The following C1orf74 variants were observed in gnomAD, a reference collection of about 807,000 sequenced individuals.
The protein encoded by C1orf74 is UPF0739 protein C1orf74.
Under a neutral mutation model 7.3 loss-of-function variants are expected in C1orf74, and 5 were observed. The observed-to-expected ratio is 0.68, with a 90% confidence interval of 0.36 to 1.44. The LOEUF (loss-of-function observed/expected upper bound fraction) is 1.44, where lower values mean the gene tolerates loss of function less well. Among genes scored for constraint, C1orf74 ranks in the 40% most tolerant of loss-of-function variants. The pLI is 0.04. For missense variants in C1orf74, 291 were observed against 314.3 expected, an observed-to-expected ratio of 0.93 and a Z score of 0.56; for synonymous variants, 121 against 132.5, an observed-to-expected ratio of 0.91 and a Z score of 0.59.
At position 209,783,004 on chromosome 1, in the gene C1orf74, G is replaced by T; in HGVS notation, c.631C>A (p.Leu211Ile). 1 of 1,614,202 alleles carries T rather than the reference G, an allele frequency of 6.2e-7. No individual in the cohort carries two copies. Among genetic ancestry groups the T allele is most frequent in the Non-Finnish European group, 8.5e-7 (1 of 1,180,046 alleles). ...RVFTARISWL[L>I]GQPPILLYSF... is the part of the protein sequence containing the mutation. ...TAGAGCAGGATTGGGGGTTGACCTA[G>T]CAACCATGAGATCCGGGCAGTGAAT... Residue 211 changes from leucine to isoleucine, a missense_variant, in exon 2 of 2, where the codon CTA becomes ATA. Physicochemically the swap from Leu to Ile is conservative, Grantham distance 5 (BLOSUM62 2). Coordinates refer to ENST00000294811, the MANE Select transcript of C1orf74 (RefSeq NM_152485.4).
chr1:209,780,781 C>CTTAT lies in C1orf74; in HGVS notation c.*2040_*2043dup. The CTTAT allele has an allele frequency of 4.3e-6, 2 of 462,722 alleles. No homozygotes were observed. Among genetic ancestry groups the CTTAT allele is most frequent in the Non-Finnish European group, 7.0e-6 (2 of 286,820 alleles). 28.7% of individuals were successfully genotyped at this position (462,722 alleles called of 1,614,324 possible). On this transcript the variant is annotated 3_prime_UTR_variant, in exon 2 of 2. Transcript: ENST00000294811. ...GCTGACTTGTCAATCTTTTCCCTTC[C>CTTAT]TTATTTATACCAACTCCTATTCAAG...
Position 209,781,331 on chromosome 1 carries a change from G to T in C1orf74, c.*1494C>A, listed in dbSNP as rs2077774385. 1 of 1,579,792 alleles carries T rather than the reference G, an allele frequency of 6.3e-7. No individual in the cohort carries two copies. On this transcript the variant is annotated 3_prime_UTR_variant, in exon 2 of 2. Coordinates refer to ENST00000294811, the MANE Select transcript of C1orf74 (RefSeq NM_152485.4). ...CAGAAGTGACAGTGATGACTTTGGT[G>T]ATGTTCTCCCCAGTGCAGAGAACTG...
At position 209,781,924 on chromosome 1, in the gene C1orf74, A is replaced by G; in HGVS notation, c.*901T>C. On this transcript the variant is annotated 3_prime_UTR_variant, in exon 2 of 2. Transcript: ENST00000294811. ...AGACAGGTGACAAAATGGGAGACAG[A>G]GTAAAAAGCTTTTTCTCCACCACCA... 1.5e-6 allele frequency: 1 copy of G among 668,682 alleles called. No individual in the cohort carries two copies. The highest frequency in any genetic ancestry group is 2.6e-6 in the Non-Finnish European group (1 of 382,918). 41.4% of individuals were successfully genotyped at this position (668,682 alleles called of 1,614,324 possible). A position where few individuals can be genotyped will look rare whatever the true frequency, so the allele number is the denominator to read the frequency against.
rs1385910683 is a variant in C1orf74 at position 209,781,594 on chromosome 1, C to T, written c.*1231G>A. 1 of 587,896 alleles carries T rather than the reference C, an allele frequency of 1.7e-6. No individual in the cohort carries two copies. Among genetic ancestry groups the T allele is most frequent in the Non-Finnish European group, 3.0e-6 (1 of 329,466 alleles). 36.4% of individuals were successfully genotyped at this position (587,896 alleles called of 1,614,324 possible). A position where few individuals can be genotyped will look rare whatever the true frequency, so the allele number is the denominator to read the frequency against. ...CCCACTGTGCTTGGTTTATACTATA[C>T]TGACATTATGGCAACCATTGAAAAA... On this transcript the variant is annotated 3_prime_UTR_variant, in exon 2 of 2. Transcript: ENST00000294811.
rs2077785446 is a variant in C1orf74, at chr1:209,781,743, CAGA to C, written c.*1079_*1081del. 7 of 483,934 alleles carry C rather than the reference CAGA, an allele frequency of 1.4e-5. No individual in the cohort carries two copies. In the East Asian group the frequency reaches 1.5e-4, roughly 10 times the overall value. 30.0% of individuals were successfully genotyped at this position (483,934 alleles called of 1,614,324 possible). A position where few individuals can be genotyped will look rare whatever the true frequency, so the allele number is the denominator to read the frequency against. ...CCGATGATAAGCATGGTGGCAAGAACAGAAGGACACAAAAGTACTGGGGAATAC... is the reference window on the plus strand; with the variant it reads ...CCGATGATAAGCATGGTGGCAAGAACAGGACACAAAAGTACTGGGGAATAC... On this transcript the variant is annotated 3_prime_UTR_variant, in exon 2 of 2. Transcript: ENST00000294811.
In C1orf74 at chr1:209,783,121, C is replaced by G; in HGVS notation, c.514G>C (p.Val172Leu). ...GGATAGCCCAGGAGGATCCCAAATACAGTACACAGATTCCAGTCTGAGGAA... is the reference window on the plus strand; with the variant it reads ...GGATAGCCCAGGAGGATCCCAAATAGAGTACACAGATTCCAGTCTGAGGAA... ...LHSSDWNLCT[V>L]FGILLGYPVP... Residue 172 changes from valine to leucine, a missense_variant, in exon 2 of 2, where the codon GTA becomes CTA. Transcript: ENST00000294811. 4 of 1,614,168 alleles carry G rather than the reference C, an allele frequency of 2.5e-6. No homozygotes were observed. Among genetic ancestry groups the G allele is most frequent in the Non-Finnish European group, 3.4e-6 (4 of 1,180,026 alleles).
chr1:209,783,853 T>C, intron 1 of C1orf74, 144 bp from the exon 2 acceptor site: 1 of 491,890 alleles, frequency 2.0e-6, no homozygotes, highest in Middle Eastern at 5.4e-4. Flanking sequence ...TTGATTTTTC[T>C]GGTTGACTTG....
At position 209,779,756 on chromosome 1, in the gene C1orf74, G is replaced by A; in HGVS notation, c.*3069C>T. 1 of 532,618 alleles carries A rather than the reference G, an allele frequency of 1.9e-6. No homozygotes were observed. Among genetic ancestry groups the A allele is most frequent in the Non-Finnish European group, 3.3e-6 (1 of 300,068 alleles). The allele number at this position is 532,618 out of a possible 1,614,324, so 33.0% of individuals were successfully genotyped here. On this transcript the variant is annotated 3_prime_UTR_variant, in exon 2 of 2. Transcript: ENST00000294811. ...CAGAGTCAACTCACTGTTAGCCCTA[G>A]AGAGTCTACTGTCCATGTTTCCTGA...
Position 209,780,990 on chromosome 1 carries a change from A to C in C1orf74, c.*1835T>G. 5.2e-6 allele frequency: 1 copy of C among 192,000 alleles called. No homozygotes were observed. The allele number at this position is 192,000 out of a possible 1,614,324, so 11.9% of individuals were successfully genotyped here. On this transcript the variant is annotated 3_prime_UTR_variant, in exon 2 of 2. Coordinates refer to ENST00000294811, the MANE Select transcript of C1orf74 (RefSeq NM_152485.4). Reference sequence around the variant, plus strand: ...CACATCCCCAGAAGTATTGATATGCAACTAGCTCCTGGGAAAGAAACTTGT... The same window carrying C: ...CACATCCCCAGAAGTATTGATATGCCACTAGCTCCTGGGAAAGAAACTTGT...
Position 209,779,288 on chromosome 1 carries a change from A to AT in C1orf74, c.*3536_*3537insA. ...CTTTTTGTAGTAAATATGCTAGCAT[A>AT]GACAAGTTCCTTGTGTTTTCCAACA... On this transcript the variant is annotated 3_prime_UTR_variant, in exon 2 of 2. Transcript: ENST00000294811. 3 of 1,609,524 alleles carry AT rather than the reference A, an allele frequency of 1.9e-6. No homozygotes were observed. The highest frequency in any genetic ancestry group is 2.6e-6 in the Non-Finnish European group (3 of 1,176,098).
At chr1:209,784,165 G>A (rs1488817412) in intron 1 of C1orf74, among the ~76,000 whole-genome samples, 1 of 152,116 alleles carries the variant, frequency 6.6e-6, no homozygotes, top group Non-Finnish European at 1.5e-5. Flanking sequence ...CCAGAATGTG[G>A]ACTAACAACC....
At chr1:209,783,772 A>G (rs962282341) in intron 1 of C1orf74, 63 bp from the exon 2 acceptor site, 16 of 718,842 alleles carry the variant, frequency 2.2e-5, no homozygotes, top group Non-Finnish European at 3.5e-5. Context: ...GGTATCTTCC[A>G]AAGGTTATTC....
In C1orf74 at chr1:209,784,529, G is replaced by A. The variant is rs977486727; in HGVS notation, c.-227C>T. On this transcript the variant is annotated 5_prime_UTR_variant, in exon 1 of 2. It introduces an in-frame stop codon into an upstream open reading frame of the 5' UTR. Transcript: ENST00000294811. The stretch of plus-strand genomic sequence containing the variant: ...TGGGAAGACCCTCGCAGCCCGCTCT[G>A]CTCCAGTCCCGCAGGCACCTTCTTG... The A allele has an allele frequency of 3.3e-5, 5 of 152,396 alleles. No individual in the cohort carries two copies. The highest frequency in any genetic ancestry group is 1.2e-4 in the African/African-American group (5 of 41,592). 9.4% of individuals were successfully genotyped at this position (152,396 alleles called of 1,614,324 possible). A position where few individuals can be genotyped will look rare whatever the true frequency, so the allele number is the denominator to read the frequency against.
At position 209,783,377 on chromosome 1, in the gene C1orf74, A is replaced by G; in HGVS notation, c.258T>C (p.Leu86=). 1 of 1,613,844 alleles carries G rather than the reference A, an allele frequency of 6.2e-7. No individual in the cohort carries two copies. The highest frequency in any genetic ancestry group is 8.5e-7 in the Non-Finnish European group (1 of 1,179,770). ...LGFLTFGLHI[L]EIGENSLIVS... ...CAATCAGGCTGTTTTCTCCAATCTC[A>G]AGGATGTGAAGTCCAAAAGTCAGGA... Residue 86 remains leucine (L), a synonymous_variant, in exon 2 of 2, where the codon CTT becomes CTC. Coordinates refer to ENST00000294811, the MANE Select transcript of C1orf74 (RefSeq NM_152485.4).
In C1orf74 at chr1:209,780,690, A is replaced by C; in HGVS notation, c.*2135T>G. 1 of 1,328,744 alleles carries C rather than the reference A, an allele frequency of 7.5e-7. No homozygotes were observed. The highest frequency in any genetic ancestry group is 9.9e-7 in the Non-Finnish European group (1 of 1,006,574). 82.3% of individuals were successfully genotyped at this position (1,328,744 alleles called of 1,614,324 possible). A position where few individuals can be genotyped will look rare whatever the true frequency, so the allele number is the denominator to read the frequency against. On this transcript the variant is annotated 3_prime_UTR_variant, in exon 2 of 2. Transcript: ENST00000294811. ...AGGCAGTCAAAAAGCAGGGATTTCA[A>C]AGTTTAAGTTGTGAGTGGATAACCA...
chr1:209,780,307 C>T lies in C1orf74; in HGVS notation c.*2518G>A. ...GCTGTCTGTCCAAGCTTAGCAGGGG[C>T]CTACTGGAAGTTAACCTTTATGTCA... On this transcript the variant is annotated 3_prime_UTR_variant, in exon 2 of 2. Transcript: ENST00000294811. The T allele has an allele frequency of 1.9e-6, 1 of 529,184 alleles. No individual in the cohort carries two copies. The highest frequency in any genetic ancestry group is 3.1e-6 in the Non-Finnish European group (1 of 323,516). The allele number at this position is 529,184 out of a possible 1,614,324, so 32.8% of individuals were successfully genotyped here.
In C1orf74 at chr1:209,779,383, A is replaced by G; in HGVS notation, c.*3442T>C. On this transcript the variant is annotated 3_prime_UTR_variant, in exon 2 of 2. Transcript: ENST00000294811. ...ACTCTTAACAAAGAAAGGTCAGCAA[A>G]TTTATTACCACAAATTCTAAGATAT... is the stretch of plus-strand genomic sequence containing the variant. 2 of 1,611,304 alleles carry G rather than the reference A, an allele frequency of 1.2e-6. No homozygotes were observed. Among genetic ancestry groups the G allele is most frequent in the Non-Finnish European group, 1.7e-6 (2 of 1,177,378 alleles).
Position 209,780,651 on chromosome 1 carries a change from C to G in C1orf74, c.*2174G>C, listed in dbSNP as rs1303659148. 2 of 1,462,194 alleles carry G rather than the reference C, an allele frequency of 1.4e-6. No individual in the cohort carries two copies. Among genetic ancestry groups the G allele is most frequent in the East Asian group, 2.5e-5 (1 of 39,324 alleles). The allele number at this position is 1,462,194 out of a possible 1,614,324, so 90.6% of individuals were successfully genotyped here. Reference sequence around the variant, plus strand: ...TAGTGAGGGCTCATTTGCGAAATAGCAGAGAAACCTGGGAGGCAGTCAAAA... The same window carrying G: ...TAGTGAGGGCTCATTTGCGAAATAGGAGAGAAACCTGGGAGGCAGTCAAAA... On this transcript the variant is annotated 3_prime_UTR_variant, in exon 2 of 2. Transcript: ENST00000294811.
In C1orf74 at chr1:209,780,735, A is replaced by G. The variant is rs2077759696; in HGVS notation, c.*2090T>C. 2 of 871,680 alleles carry G rather than the reference A, an allele frequency of 2.3e-6. No homozygotes were observed. The highest frequency in any genetic ancestry group is 4.1e-5 in the Admixed American group (1 of 24,584). The allele number at this position is 871,680 out of a possible 1,614,324, so 54.0% of individuals were successfully genotyped here. ...TAACCACAGACATTCATTTGCCTAC[A>G]TAAAGTGTCTGTGCTTTTGGGCTGA... On this transcript the variant is annotated 3_prime_UTR_variant, in exon 2 of 2. Transcript: ENST00000294811.
Sources: gnomAD v4.1 joint callset for allele counts (sites outside exome capture counted in the v4.1 genomes callset) on GRCh38, gnomAD v4.1.1 for gene constraint, MANE v1.5 for transcripts, NCBI Gene and HGNC (gene_info 2026-07-23, HGNC 2026-07-21) for gene names.